The following MYL4 variants were observed in gnomAD, a reference collection of about 807,000 sequenced individuals.
MYL4 encodes atrial myosin light chain 1.
Under a neutral mutation model 21.6 loss-of-function variants are expected in MYL4, and 16 were observed. The ratio of observed to expected loss-of-function variants is 0.74; its 90% CI spans 0.50 to 1.12. The LOEUF (loss-of-function observed/expected upper bound fraction) is 1.12, where lower values mean the gene tolerates loss of function less well. MYL4 is among the 50% of genes most tolerant of loss of function. The pLI, the probability that MYL4 is intolerant of heterozygous loss-of-function variation, is 0.00. For synonymous variants in MYL4, 82 were observed against 95.7 expected (o/e 0.86, Z 0.83); for missense variants, 249 against 252.9 (o/e 0.98, Z 0.11).
intron 1 of MYL4, among the ~76,000 whole-genome samples, chr17:47,210,339 C>T (rs541876202): frequency 6.6e-6 from 1 of 152,302 alleles, no homozygotes; most frequent in African/African-American, 2.4e-5. Flanking sequence ...CATTTTAGAC[C>T]TCCCAGCTCT....
the MYL4 span, among the ~76,000 whole-genome samples, chr17:47,193,669 C>T: frequency 6.6e-6 from 1 of 151,952 alleles, no homozygotes; most frequent in Non-Finnish European, 1.5e-5. Flanking sequence ...TTCTCACCCA[C>T]CCTACACATT....
the MYL4 span, among the ~76,000 whole-genome samples, chr17:47,191,142 T>C: frequency 6.6e-6 from 1 of 152,234 alleles, no homozygotes; most frequent in African/African-American, 2.4e-5. Context: ...GCATCACTTC[T>C]TGTTGGTCAG....
chr17:47,207,676 A>G (rs2064737490), upstream of MYL4, among the ~76,000 whole-genome samples: 1 of 152,218 alleles, frequency 6.6e-6, no homozygotes, highest in Non-Finnish European at 1.5e-5. Context: ...TGAACTGTAG[A>G]GTCTAAAGAT....
rs767067527 is a variant in MYL4, at chr17:47,209,460, C to A, written c.38C>A (p.Ala13Asp). Residue 13 changes from alanine to aspartate, a missense_variant, in exon 1 of 7, where the codon GCC (alanine) becomes GAC (aspartate). Physicochemically the swap from Ala to Asp is moderately radical, Grantham distance 126 (BLOSUM62 -2). Coordinates refer to ENST00000393450, the MANE Select transcript of MYL4 (RefSeq NM_002476.2). ...PKKPEPKKEA[A>D]KPAPAPAPAP... ...AAGCCTGAGCCTAAGAAGGAGGCAG[C>A]CAAGCCAGCTCCAGCTCCAGCTCCA... The A allele has an allele frequency of 2.5e-6, 4 of 1,614,188 alleles. No individual in the cohort carries two copies. The highest frequency in any genetic ancestry group is 3.4e-6 in the Non-Finnish European group (4 of 1,180,022).
In MYL4 at chr17:47,219,999, C is replaced by A. The variant is rs2064843571; in HGVS notation, c.259C>A (p.Gln87Lys). ...QCGDVLRALGQNPTNAEVLRV... is the reference protein window; with the variant it reads ...QCGDVLRALGKNPTNAEVLRV... ...CGGGGATGTACTGCGGGCCCTGGGC[C>A]AGAACCCTACCAATGCCGAGGTGCT... The change falls in exon 3 of 7, where the codon CAG becomes AAG. Residue 87 changes from glutamine to lysine, a missense_variant. Physicochemically the swap from Gln to Lys is moderately conservative, Grantham distance 53. Coordinates refer to ENST00000393450, the MANE Select transcript of MYL4 (RefSeq NM_002476.2). 3 of 1,614,218 alleles carry A rather than the reference C, an allele frequency of 1.9e-6. No individual in the cohort carries two copies. In the South Asian group the frequency reaches 3.3e-5, roughly 18 times the overall value.
At chr17:47,196,020 T>C (rs2064687958), upstream of MYL4, among the ~76,000 whole-genome samples, 1 of 152,234 alleles carries the variant, frequency 6.6e-6, no homozygotes, top group Non-Finnish European at 1.5e-5. Flanking sequence ...ACTGTGTTCC[T>C]AGTATTATTT....
chr17:47,226,742 T>A (rs1181379477), downstream of MYL4, among the ~76,000 whole-genome samples: 1 of 152,246 alleles, frequency 6.6e-6, no homozygotes, highest in Non-Finnish European at 1.5e-5. Flanking sequence ...GGGACCCAAG[T>A]TCTTTTATCG....
chr17:47,189,768 A>G, the MYL4 span, among the ~76,000 whole-genome samples: 1 of 152,162 alleles, frequency 6.6e-6, no homozygotes. Context: ...AGAAGTATCT[A>G]CTCACGGCTC....
chr17:47,221,811 G>A lies in MYL4; in HGVS notation c.443G>A (p.Gly148Asp), dbSNP rs1194080955. ...CGTGTCTTTGACAAGGAGAGCAATG[G>A]CACGGTCATGGGTGCTGAGCTTCGG... ...GLRVFDKESN[G>D]TVMGAELRHV... The change falls in exon 4 of 7, where the codon GGC (glycine) becomes GAC (aspartate). Residue 148 changes from glycine (G) to aspartate (D), a missense_variant. Transcript: ENST00000393450. 4 of 1,614,150 alleles carry A rather than the reference G, an allele frequency of 2.5e-6. No homozygotes were observed. The highest frequency in any genetic ancestry group is 3.4e-6 in the Non-Finnish European group (4 of 1,180,006).
chr17:47,195,449 G>A (rs755086576), upstream of MYL4, among the ~76,000 whole-genome samples: 2 of 152,042 alleles, frequency 1.3e-5, no homozygotes, highest in Admixed American at 6.5e-5. Flanking sequence ...GGCTGGCCTC[G>A]AACTCCCGAC....
At chr17:47,193,299 G>A in the MYL4 span, among the ~76,000 whole-genome samples, 7 of 151,708 alleles carry the variant, frequency 4.6e-5, no homozygotes, top group African/African-American at 9.7e-5. Context: ...AGAGAGTCTC[G>A]CTCTGTCACC....
chr17:47,191,109 G>A, the MYL4 span, among the ~76,000 whole-genome samples: 104 of 152,318 alleles, frequency 6.8e-4, no homozygotes, highest in African/African-American at 2.5e-3. Flanking sequence ...AAGCTGTGAG[G>A]TCCCTTAGGC....
the MYL4 span, among the ~76,000 whole-genome samples, chr17:47,194,869 T>C: frequency 1.3e-5 from 2 of 152,098 alleles, no homozygotes; most frequent in South Asian, 4.1e-4. Context: ...GCTTCCCAAG[T>C]AGCTGGGACT....
upstream of MYL4, among the ~76,000 whole-genome samples, chr17:47,207,597 G>A (rs116168810): frequency 1.9e-3 from 294 of 152,322 alleles, no homozygotes; most frequent in African/African-American, 6.2e-3. Flanking sequence ...TGCTTTACAG[G>A]TGAGGAAACT....
the MYL4 span, among the ~76,000 whole-genome samples, chr17:47,192,787 C>G: frequency 6.6e-6 from 1 of 152,308 alleles, no homozygotes; most frequent in East Asian, 1.9e-4. Context: ...ACTTCCTTCT[C>G]TGCTCCTAAT....
chr17:47,192,649 CAAA>C, the MYL4 span, among the ~76,000 whole-genome samples: 1 of 137,622 alleles, frequency 7.3e-6, no homozygotes. Context: ...GACTGTGTCT[CAAA>C]AAAAAAAAAG....
At chr17:47,219,024 C>G (rs1002640795) in intron 2 of MYL4, among the ~76,000 whole-genome samples, 2 of 152,188 alleles carry the variant, frequency 1.3e-5, no homozygotes, top group African/African-American at 4.8e-5. Context: ...GCTTTGTGAT[C>G]CCACCTGCAA....
At chr17:47,203,079 T>G (rs2064715246) in intron 1 of MYL4, among the ~76,000 whole-genome samples, 1 of 152,146 alleles carries the variant, frequency 6.6e-6, no homozygotes, top group African/African-American at 2.4e-5. Flanking sequence ...GCCTCCTGAG[T>G]ATCTGGAATT....
the MYL4 span, among the ~76,000 whole-genome samples, chr17:47,192,622 C>T: frequency 1.3e-5 from 2 of 151,792 alleles, no homozygotes; most frequent in Non-Finnish European, 2.9e-5. Flanking sequence ...TGCACTCCAG[C>T]CTGGGTGACA....
Sources: gnomAD v4.1 joint callset for allele counts (sites outside exome capture counted in the v4.1 genomes callset) on GRCh38, gnomAD v4.1.1 for gene constraint, MANE v1.5 for transcripts, NCBI Gene and HGNC (gene_info 2026-07-23, HGNC 2026-07-21) for gene names.